Variants in SEMA4D observed in about 807,000 individuals in gnomAD.
SEMA4D encodes the protein semaphorin 4D.
Under a neutral mutation model 74.8 loss-of-function variants are expected in SEMA4D, and 22 were observed. That is an observed-to-expected ratio of 0.29 (90% CI 0.21 to 0.42). SEMA4D has a LOEUF of 0.42. SEMA4D is among the 10% of genes least tolerant of loss of function. The pLI, the probability that SEMA4D is intolerant of heterozygous loss-of-function variation, is 1.00. For missense variants in SEMA4D, 937 were observed against 1,118.4 expected (o/e 0.84, Z 2.31); for synonymous variants, 445 against 463.7 (o/e 0.96, Z 0.52).
intron 1 of SEMA4D, chr9:89,472,350 A>G: frequency 2.4e-6 from 1 of 419,834 alleles, no homozygotes; most frequent in South Asian, 1.9e-5. Context: ...GGGATTGAGA[A>G]GATGATGGAG....
rs954176665 is a variant in SEMA4D at position 89,492,020 on chromosome 9, C to T, written c.-310+5899G>A. ...CTCCATCCTTCTCTTCAGGATGCAA[C>T]CCTTCCAAGCGGGCCTCCCTCAGCC... On this transcript the variant is annotated intron_variant, in intron 1 of 15. Coordinates refer to ENST00000422704, the MANE Select transcript of SEMA4D (RefSeq NM_001371194.2). This position sits in a 1 kb window ranked among gnomAD's most constrained non-coding sequence, Gnocchi z 4.3. Among the ~76,000 whole-genome samples, 50 of 152,314 alleles carry T rather than the reference C, an allele frequency of 3.3e-4. No individual in the cohort carries two copies. Among genetic ancestry groups the T allele is most frequent in the African/African-American group, 1.2e-3 (49 of 41,560 alleles).
chr9:89,471,582 C>T (rs1860245189), intron 1 of SEMA4D, among the ~76,000 whole-genome samples: 1 of 151,442 alleles, frequency 6.6e-6, no homozygotes. Flanking sequence ...AGGTGCATGC[C>T]GGCTCAGATG....
chr9:89,386,144 G>C, intron 13 of SEMA4D: 1 of 922,730 alleles, frequency 1.1e-6, no homozygotes, highest in Non-Finnish European at 1.3e-6. Flanking sequence ...CAACTTCGAA[G>C]AGAAAGTCCC....
At chr9:89,494,888 C>T (rs1026996797) in intron 1 of SEMA4D, among the ~76,000 whole-genome samples, 3 of 152,142 alleles carry the variant, frequency 2.0e-5, no homozygotes, top group Admixed American at 6.5e-5. Flanking sequence ...AACATAACCA[C>T]GATGCTGTGA....
chr9:89,459,280 G>C (rs1856704614), intron 1 of SEMA4D, among the ~76,000 whole-genome samples: 1 of 152,128 alleles, frequency 6.6e-6, no homozygotes, highest in Non-Finnish European at 1.5e-5. Flanking sequence ...ATTTCTAATG[G>C]GCCCTCAGGT....
chr9:89,474,516 T>C (rs922971140), intron 1 of SEMA4D, among the ~76,000 whole-genome samples: 1 of 152,248 alleles, frequency 6.6e-6, no homozygotes, highest in African/African-American at 2.4e-5. Context: ...TTTCTCTGTA[T>C]GACCAGAAGC....
rs192328249 is a variant in SEMA4D at position 89,383,682 on chromosome 9, C to T, written c.1447-2336G>A. ...AATGCACACTGGCTATGTGAGACAT[C>T]GGACATGTGGAGCTAGGTGGGGGCG... On this transcript the variant is annotated intron_variant, in intron 13 of 15. Coordinates refer to ENST00000422704, the MANE Select transcript of SEMA4D (RefSeq NM_001371194.2). 8.4e-4 allele frequency among the ~76,000 whole-genome samples: 128 copies of T among 152,220 alleles called. 1 individual carries two copies. Among genetic ancestry groups the T allele is most frequent in the Non-Finnish European group, 1.0e-3 (70 of 68,006 alleles).
chr9:89,451,650 C>A (rs1021255514), intron 2 of SEMA4D, among the ~76,000 whole-genome samples: 1 of 152,116 alleles, frequency 6.6e-6, no homozygotes, highest in African/African-American at 2.4e-5. Flanking sequence ...AGAAAGGTGA[C>A]AAATTTCAGT....
At chr9:89,481,582 G>A (rs925349211) in intron 1 of SEMA4D, among the ~76,000 whole-genome samples, 5 of 152,250 alleles carry the variant, frequency 3.3e-5, no homozygotes, top group South Asian at 2.1e-4. Flanking sequence ...GCAGACACCC[G>A]TGGCGGATAT....
chr9:89,381,996 G>A lies in SEMA4D; in HGVS notation c.1447-650C>T, dbSNP rs188805639. 6.6e-6 allele frequency among the ~76,000 whole-genome samples: 1 copy of A among 152,212 alleles called. No individual in the cohort carries two copies. Among genetic ancestry groups the A allele is most frequent in the African/African-American group, 2.4e-5 (1 of 41,450 alleles). ...ATGTAAAAGGGAAGAGCTCACAGAC[G>A]GGAAGTCAACCTCCGAGCTCCAGAG... On this transcript the variant is annotated intron_variant, in intron 13 of 15. Coordinates refer to ENST00000422704, the MANE Select transcript of SEMA4D (RefSeq NM_001371194.2). This position sits in a 1 kb window ranked among gnomAD's most constrained non-coding sequence, Gnocchi z 4.6.
At chr9:89,382,947 C>A (rs1381780876) in intron 13 of SEMA4D, among the ~76,000 whole-genome samples, 2 of 152,192 alleles carry the variant, frequency 1.3e-5, no homozygotes, top group South Asian at 4.1e-4. Flanking sequence ...CCACCTCCTG[C>A]ACCCTGCGGG....
chr9:89,473,638 C>T (rs1342151349), intron 1 of SEMA4D, among the ~76,000 whole-genome samples: 5 of 152,100 alleles, frequency 3.3e-5, no homozygotes, highest in East Asian at 1.9e-4. Context: ...AGGTGGATCA[C>T]CTGAGGTCAG....
At chr9:89,494,487 C>T (rs985024518) in intron 1 of SEMA4D, among the ~76,000 whole-genome samples, 1 of 152,216 alleles carries the variant, frequency 6.6e-6, no homozygotes, top group Non-Finnish European at 1.5e-5. Flanking sequence ...GTGCTGAGCG[C>T]CTGCACTTGT....
chr9:89,366,754 G>C (rs949907998), intron 16 of SEMA4D, among the ~76,000 whole-genome samples: 1 of 152,136 alleles, frequency 6.6e-6, no homozygotes, highest in Non-Finnish European at 1.5e-5. Context: ...TTTTTGAGCT[G>C]TTATGATCAA....
At chr9:89,410,688 A>G (rs1844337460) in intron 2 of SEMA4D, among the ~76,000 whole-genome samples, 1 of 152,234 alleles carries the variant, frequency 6.6e-6, no homozygotes. Context: ...GAAAATAACT[A>G]GAACAGAAGG....
intron 1 of SEMA4D, among the ~76,000 whole-genome samples, chr9:89,495,622 T>C (rs1343537824): frequency 1.3e-5 from 2 of 152,152 alleles, no homozygotes; most frequent in African/African-American, 2.4e-5. Context: ...ACTGCCCTGG[T>C]TGGGAACAGC....
intron 1 of SEMA4D, chr9:89,479,802 T>TA (rs1387535324): frequency 6.3e-6 from 1 of 159,982 alleles, no homozygotes. Flanking sequence ...TTACAGCTCA[T>TA]AAAAGCAGCG....
intron 1 of SEMA4D, among the ~76,000 whole-genome samples, chr9:89,472,978 C>T (rs1369525999): frequency 6.6e-6 from 1 of 152,030 alleles, no homozygotes; most frequent in Non-Finnish European, 1.5e-5. Context: ...CGCCTGTGGT[C>T]CCAGCTACTC....
At chr9:89,435,254 C>T (rs1447920783) in intron 2 of SEMA4D, among the ~76,000 whole-genome samples, 1 of 152,188 alleles carries the variant, frequency 6.6e-6, no homozygotes, top group Non-Finnish European at 1.5e-5. Flanking sequence ...TGATCATTAA[C>T]AGGACCTGGA....
Sources: allele counts gnomAD v4.1 joint callset (sites outside exome capture counted in the v4.1 genomes callset), GRCh38; gene constraint gnomAD v4.1.1; non-coding constraint Gnocchi (gnomAD v3.1); transcripts MANE v1.5; gene names NCBI Gene and HGNC (gene_info 2026-07-23, HGNC 2026-07-21).